The following WASHC5 variants were observed in gnomAD, a reference collection of about 807,000 sequenced individuals.
The protein encoded by WASHC5 is WASH complex subunit 5.
WASHC5 carries 101 observed loss-of-function variants against 150.4 expected under a neutral mutation model. The observed-to-expected ratio is 0.67, with a 90% CI of 0.57 to 0.79. The LOEUF (loss-of-function observed/expected upper bound fraction) is 0.79, where lower values mean the gene tolerates loss of function less well. Ranked by LOEUF, WASHC5 falls within the 30% of genes least tolerant of loss-of-function variation. WASHC5 has a pLI of 0.00. For missense variants in WASHC5, 1,195 were observed against 1,396.3 expected (o/e 0.86, Z 2.30); for synonymous variants, 467 against 491.2 (o/e 0.95, Z 0.65).
chr8:125,058,447 G>C (rs1816482285), intron 14 of WASHC5, among the ~76,000 whole-genome samples: 1 of 151,976 alleles, frequency 6.6e-6, no homozygotes, highest in African/African-American at 2.4e-5. Flanking sequence ...TGGTAGCTCT[G>C]TCAGGAGACA....
At position 125,024,437 on chromosome 8, in the gene WASHC5, A is replaced by G. The variant is rs1815314280; in HGVS notation, c.*180T>C. ...TGCATGTAATACCATGATTTAAACAATATCAGTTATATTAACTAATGCCAT... is the reference window on the plus strand; with the variant it reads ...TGCATGTAATACCATGATTTAAACAGTATCAGTTATATTAACTAATGCCAT... On this transcript the variant is annotated 3_prime_UTR_variant, in exon 29 of 29. Coordinates refer to ENST00000318410, the MANE Select transcript of WASHC5 (RefSeq NM_014846.4). 9.3e-6 allele frequency: 6 copies of G among 646,910 alleles called. No individual in the cohort carries two copies. The highest frequency in any genetic ancestry group is 9.1e-5 in the South Asian group (5 of 55,028). The allele number at this position is 646,910 out of a possible 1,614,324, so 40.1% of individuals were successfully genotyped here. A position where few individuals can be genotyped will look rare whatever the true frequency, so the allele number is the denominator to read the frequency against.
At chr8:125,057,875 A>G (rs1435046578) in intron 14 of WASHC5, among the ~76,000 whole-genome samples, 1 of 152,090 alleles carries the variant, frequency 6.6e-6, no homozygotes, top group Non-Finnish European at 1.5e-5. Context: ...TAGCTTCCGC[A>G]TGACCTGGGA....
intron 20 of WASHC5, chr8:125,044,937 AT>A (rs1164031278): frequency 5.7e-6 from 3 of 527,680 alleles, no homozygotes; most frequent in African/African-American, 1.9e-5. Flanking sequence ...GGTTTCAGTC[AT>A]TTATTTCCAT....
chr8:125,090,076 T>C (rs74681210), intron 1 of WASHC5, among the ~76,000 whole-genome samples: 4,620 of 152,316 alleles, frequency 0.03, 130 homozygotes, highest in South Asian at 0.15. Context: ...TGCTAAGTTT[T>C]TGAAGATGGA....
rs779128877 is a variant in WASHC5 at position 125,083,276 on chromosome 8, A to G, written c.187-18T>C. ...TCTGGACCCTGAGAAAAAAAAACAC[A>G]TGTGAAATGTCAATAAAAGCATACT... On this transcript the variant is annotated intron_variant, in intron 2 of 28. Transcript: ENST00000318410. The G allele has an allele frequency of 1.4e-5, 22 of 1,609,018 alleles. No individual in the cohort carries two copies. Among genetic ancestry groups the G allele is most frequent in the Non-Finnish European group, 1.9e-5 (22 of 1,176,510 alleles).
chr8:125,026,033 A>G (rs888791676), intron 28 of WASHC5, among the ~76,000 whole-genome samples: 2 of 152,186 alleles, frequency 1.3e-5, no homozygotes, highest in African/African-American at 4.8e-5. Context: ...TTTTTTTAAA[A>G]TAGATAAAGC....
chr8:125,062,798 T>C (rs1255501335), intron 11 of WASHC5, among the ~76,000 whole-genome samples: 1 of 152,198 alleles, frequency 6.6e-6, no homozygotes, highest in African/African-American at 2.4e-5. Context: ...ATAGATCTGA[T>C]AGTTAAAACA....
intron 11 of WASHC5, among the ~76,000 whole-genome samples, chr8:125,062,919 T>C (rs1469759923): frequency 6.6e-6 from 1 of 152,188 alleles, no homozygotes; most frequent in Non-Finnish European, 1.5e-5. Flanking sequence ...AGAACTTTCC[T>C]ATAAATAAAA....
chr8:125,047,375 TA>T (rs1563615875), intron 19 of WASHC5, 44 bp from the exon 20 acceptor site: 13 of 1,568,032 alleles, frequency 8.3e-6, no homozygotes, highest in Non-Finnish European at 1.1e-5. Flanking sequence ...TTTGATAAGA[TA>T]ACCTAGTTAT....
At chr8:125,063,455 T>C in intron 11 of WASHC5, 67 bp downstream of exon 11, 4 of 1,542,200 alleles carry the variant, frequency 2.6e-6, no homozygotes, top group Non-Finnish European at 3.6e-6. Flanking sequence ...AACCTGCCAG[T>C]TTCCAAGGTT....
At chr8:125,028,504 C>A in intron 28 of WASHC5, 116 bp downstream of exon 28, 1 of 713,406 alleles carries the variant, frequency 1.4e-6, no homozygotes. Context: ...TGGCGAGAGG[C>A]GCAGAGGCAT....
At position 125,044,589 on chromosome 8, in the gene WASHC5, C is replaced by T; in HGVS notation, c.2614G>A (p.Gly872Ser). 6.2e-7 allele frequency: 1 copy of T among 1,614,076 alleles called. No homozygotes were observed. The highest frequency in any genetic ancestry group is 8.5e-7 in the Non-Finnish European group (1 of 1,179,978). ...AGAAGCCTGTCTAAGCCATTTAGAC[C>T]AAAGGTTCCCAAGGTGGTCTGGATT... ...SEIQTTLGTF[G>S]LNGLDRLLCF... Residue 872 changes from glycine (G) to serine (S), a missense_variant, in exon 21 of 29, where the codon GGT becomes AGT. Transcript: ENST00000318410.
intron 28 of WASHC5, among the ~76,000 whole-genome samples, chr8:125,025,833 G>GACAGACACACACACACACACAC (rs1554589284): frequency 6.8e-6 from 1 of 148,036 alleles, no homozygotes; most frequent in African/African-American, 2.5e-5. Flanking sequence ...TATGCAGACA[G>GACAGACACACACACACACACAC]ACACACACAC....
At chr8:125,079,088 T>C (rs1386865354) in intron 5 of WASHC5, among the ~76,000 whole-genome samples, 158 bp from the exon 6 acceptor site, 1 of 123,212 alleles carries the variant, frequency 8.1e-6, no homozygotes, top group East Asian at 2.2e-4. Flanking sequence ...AGATTCAAAA[T>C]TATGTGTATA....
rs982800683 is a variant in WASHC5, at chr8:125,059,300, G to A, written c.1689-3C>T. On this transcript the variant is annotated splice_region_variant and splice_polypyrimidine_tract_variant and intron_variant, in intron 13 of 28. Transcript: ENST00000318410. ...TTTCTTGCATGATGGATGTGAAACT[G>A]TAAAAAGAAAAGAAACGGTAAGAAG... 5 of 1,613,754 alleles carry A rather than the reference G, an allele frequency of 3.1e-6. No individual in the cohort carries two copies. In the East Asian group the frequency reaches 8.9e-5, roughly 29 times the overall value.
intron 3 of WASHC5, 36 bp downstream of exon 3, chr8:125,083,077 A>G (rs1340453868): frequency 7.5e-7 from 1 of 1,328,614 alleles, no homozygotes; most frequent in Admixed American, 1.7e-5. Flanking sequence ...TCCACTATTT[A>G]CTACCAGAAT....
intron 11 of WASHC5, among the ~76,000 whole-genome samples, chr8:125,062,817 C>T (rs3860843): frequency 0.11 from 16,233 of 151,984 alleles, 1,032 homozygotes; most frequent in African/African-American, 0.16. Flanking sequence ...CAAAATTAAG[C>T]GTTAAAAAAA....
rs1328066937 is a variant in WASHC5 at position 125,079,108 on chromosome 8, G to A, written c.519-178C>T. ...CAAAATTATGTGTATATATATGTGT[G>A]TGTGTGTGTATATATATATATATAT... On this transcript the variant is annotated intron_variant, in intron 5 of 28. Transcript: ENST00000318410. Among the ~76,000 whole-genome samples the A allele has an allele frequency of 2.3e-3, 116 of 50,322 alleles. 3 individuals carry two copies. Among genetic ancestry groups the A allele is most frequent in the African/African-American group, 7.1e-3 (103 of 14,484 alleles). 33.0% of individuals were successfully genotyped at this position (50,322 alleles called of 152,430 possible). A position where few individuals can be genotyped will look rare whatever the true frequency, so the allele number is the denominator to read the frequency against.
At chr8:125,074,880 T>C (rs1170890772) in intron 8 of WASHC5, 118 bp downstream of exon 8, 1 of 736,320 alleles carries the variant, frequency 1.4e-6, no homozygotes, top group Admixed American at 1.9e-5. Context: ...TATTAATCAT[T>C]GCATTAAATT....
Sources: gnomAD v4.1 joint callset for allele counts (sites outside exome capture counted in the v4.1 genomes callset) on GRCh38, gnomAD v4.1.1 for gene constraint, MANE v1.5 for transcripts, NCBI Gene and HGNC (gene_info 2026-07-23, HGNC 2026-07-21) for gene names.